RASA2: variants seen among roughly 807,000 people sequenced by gnomAD.
RASA2 encodes the protein RAS p21 protein activator 2.
Under a neutral mutation model 118.2 loss-of-function variants are expected in RASA2, and 155 were observed. That is an observed-to-expected ratio of 1.31 (90% CI 1.15 to 1.50). The LOEUF (loss-of-function observed/expected upper bound fraction) is 1.50, where lower values mean the gene tolerates loss of function less well. Among genes scored for constraint, RASA2 ranks in the 40% most tolerant of loss-of-function variants. The probability of loss-of-function intolerance (pLI) is 0.00; values close to 1 mark genes in which losing one functional copy is unlikely to be tolerated. For synonymous variants in RASA2, 353 were observed against 349.1 expected (o/e 1.01, Z -0.12); for missense variants, 1,016 against 1,009.6 (o/e 1.01, Z -0.09).
At chr3:141,585,691 T>C (rs925402836) in intron 17 of RASA2, among the ~76,000 whole-genome samples, 1 of 152,132 alleles carries the variant, frequency 6.6e-6, no homozygotes, top group Non-Finnish European at 1.5e-5. Context: ...TCCCAGCTAC[T>C]TGGGAAGCTG....
chr3:141,578,189 A>G (rs2083043559), intron 15 of RASA2, among the ~76,000 whole-genome samples: 1 of 152,242 alleles, frequency 6.6e-6, no homozygotes, highest in Admixed American at 6.5e-5. Flanking sequence ...ATCACAATAC[A>G]GTAACTTTTC....
At chr3:141,578,164 T>G (rs1441355194) in intron 15 of RASA2, among the ~76,000 whole-genome samples, 1 of 152,264 alleles carries the variant, frequency 6.6e-6, no homozygotes, top group Non-Finnish European at 1.5e-5. Flanking sequence ...ATCATCCACA[T>G]GTGCAGATAA....
chr3:141,561,436 G>T (rs971916141), intron 9 of RASA2, among the ~76,000 whole-genome samples: 1 of 152,188 alleles, frequency 6.6e-6, no homozygotes, highest in Non-Finnish European at 1.5e-5. Context: ...TTTTATAGAT[G>T]TTTTTGGCCC....
intron 19 of RASA2, among the ~76,000 whole-genome samples, chr3:141,603,060 A>G (rs747092199): frequency 6.6e-6 from 1 of 152,188 alleles, no homozygotes; most frequent in Non-Finnish European, 1.5e-5. Context: ...CCATAAATCC[A>G]CAGTTCTTAC....
At chr3:141,523,482 G>A (rs1439517214) in intron 3 of RASA2, among the ~76,000 whole-genome samples, 1 of 152,018 alleles carries the variant, frequency 6.6e-6, no homozygotes. Flanking sequence ...TTAATTCGGG[G>A]CATAATTGTT....
In RASA2 at chr3:141,573,128, T is replaced by G. The variant is rs761297615; in HGVS notation, c.1285-19T>G. On this transcript the variant is annotated intron_variant, in intron 12 of 23. Transcript: ENST00000286364. The stretch of plus-strand genomic sequence containing the variant: ...GACTACTTAGAAAAAAATCATTAAC[T>G]GAAAAATTTATTTTTCAGATATGTG... The G allele has an allele frequency of 9.7e-6, 15 of 1,546,388 alleles. No individual in the cohort carries two copies. The highest frequency in any genetic ancestry group is 1.4e-5 in the African/African-American group (1 of 70,228).
intron 4 of RASA2, among the ~76,000 whole-genome samples, chr3:141,532,907 T>C (rs2082279057): frequency 6.6e-6 from 1 of 152,142 alleles, no homozygotes; most frequent in South Asian, 2.1e-4. Flanking sequence ...TTGTTTTTTT[T>C]CTTTCCCTTT....
intron 19 of RASA2, among the ~76,000 whole-genome samples, chr3:141,607,320 C>T (rs1021387379): frequency 6.6e-6 from 1 of 152,014 alleles, no homozygotes; most frequent in Non-Finnish European, 1.5e-5. Flanking sequence ...AAGAAAAGTC[C>T]TTGTCTAGGC....
intron 19 of RASA2, among the ~76,000 whole-genome samples, chr3:141,592,065 G>GT (rs1287609273): frequency 4.6e-5 from 7 of 151,492 alleles, no homozygotes; most frequent in African/African-American, 1.7e-4. Flanking sequence ...ACAATAAACA[G>GT]TAAAAAAAAG....
intron 15 of RASA2, among the ~76,000 whole-genome samples, chr3:141,580,027 G>C (rs1291334715): frequency 2.4e-5 from 3 of 123,742 alleles, no homozygotes; most frequent in African/African-American, 9.7e-5. Flanking sequence ...CTACACTCCA[G>C]CCTGGGCAAC....
intron 23 of RASA2, among the ~76,000 whole-genome samples, chr3:141,610,297 GTA>G (rs2083617969): frequency 7.1e-6 from 1 of 139,938 alleles, no homozygotes. Flanking sequence ...TCATATATAT[GTA>G]TATGAAATTA....
At chr3:141,580,682 C>T (rs756008486) in intron 16 of RASA2, among the ~76,000 whole-genome samples, 5 of 151,866 alleles carry the variant, frequency 3.3e-5, no homozygotes, top group Non-Finnish European at 7.4e-5. Context: ...CCCAGGAAGC[C>T]GAAGCGGGAA....
chr3:141,585,904 A>AT (rs2083193764), intron 17 of RASA2, 121 bp from the exon 18 acceptor site: 1 of 612,644 alleles, frequency 1.6e-6, no homozygotes, highest in African/African-American at 1.9e-5. Context: ...ATAAATTACT[A>AT]TTATGTGTAT....
intron 19 of RASA2, among the ~76,000 whole-genome samples, chr3:141,595,980 C>G (rs2083359944): frequency 6.6e-6 from 1 of 152,168 alleles, no homozygotes. Flanking sequence ...GCACAAGAAC[C>G]AGTTTTCTTA....
intron 9 of RASA2, among the ~76,000 whole-genome samples, chr3:141,560,681 G>A (rs1017534791): frequency 6.6e-6 from 1 of 151,822 alleles, no homozygotes; most frequent in Non-Finnish European, 1.5e-5. Flanking sequence ...TTTTTTTTCT[G>A]TCTATAGCAC....
chr3:141,601,057 A>G (rs1205007989), intron 19 of RASA2, among the ~76,000 whole-genome samples: 4 of 152,140 alleles, frequency 2.6e-5, no homozygotes, highest in African/African-American at 4.8e-5. Context: ...GCTTTTTAAC[A>G]TATGGTGCAG....
At chr3:141,497,787 A>C (rs2081725582) in intron 1 of RASA2, among the ~76,000 whole-genome samples, 1 of 151,500 alleles carries the variant, frequency 6.6e-6, no homozygotes, top group Admixed American at 6.6e-5. Context: ...CCAGAGAATC[A>C]CTTGAGCCCA....
chr3:141,491,282 C>T (rs567929037), intron 1 of RASA2, among the ~76,000 whole-genome samples: 23 of 152,184 alleles, frequency 1.5e-4, no homozygotes, highest in Non-Finnish European at 3.2e-4. Flanking sequence ...CCTCAAAAGC[C>T]TGCTCTATGT....
chr3:141,522,757 C>A (rs1018079203), intron 3 of RASA2, among the ~76,000 whole-genome samples: 9 of 152,164 alleles, frequency 5.9e-5, no homozygotes, highest in Admixed American at 5.9e-4. Flanking sequence ...GTACACTTCA[C>A]GCTCAAGAAA....
Sources: allele counts gnomAD v4.1 joint callset (sites outside exome capture counted in the v4.1 genomes callset), GRCh38; gene constraint gnomAD v4.1.1; transcripts MANE v1.5; gene names NCBI Gene and HGNC (gene_info 2026-07-23, HGNC 2026-07-21).